The following KALRN variants were observed in gnomAD, a reference collection of about 807,000 sequenced individuals.
KALRN encodes the protein kalirin RhoGEF kinase.
KALRN carries 70 observed loss-of-function variants against 353.7 expected under a neutral mutation model. The ratio of observed to expected loss-of-function variants is 0.20; its 90% CI spans 0.16 to 0.24. KALRN has a LOEUF of 0.24. Among genes scored for constraint, KALRN ranks in the 10% least tolerant of loss-of-function variants. The pLI, the probability that KALRN is intolerant of heterozygous loss-of-function variation, is 1.00. For synonymous variants in KALRN, 1,391 were observed against 1,434.8 expected (o/e 0.97, Z 0.69); for missense variants, 2,791 against 3,756.7 (o/e 0.74, Z 6.72).
At chr3:124,538,260 T>TGTG (rs2068708274) in intron 33 of KALRN, among the ~76,000 whole-genome samples, 1 of 149,966 alleles carries the variant, frequency 6.7e-6, no homozygotes, top group African/African-American at 2.5e-5. Context: ...GTGTGTGTGT[T>TGTG]TGTGTGTGTG....
chr3:124,423,046 CT>C (rs2092851883), intron 15 of KALRN, 68 bp downstream of exon 15: 1 of 1,527,946 alleles, frequency 6.5e-7, no homozygotes, highest in Middle Eastern at 2.1e-4. Flanking sequence ...GGACCTGCTC[CT>C]GGTATGAGGT....
intron 3 of KALRN, among the ~76,000 whole-genome samples, chr3:124,256,087 C>T (rs2071934337): frequency 6.6e-6 from 1 of 152,136 alleles, no homozygotes; most frequent in Non-Finnish European, 1.5e-5. Context: ...GTGGTTCACT[C>T]ATGTGGCCAG....
intron 33 of KALRN, among the ~76,000 whole-genome samples, chr3:124,522,663 TG>T (rs1232357087): frequency 3.9e-5 from 6 of 152,178 alleles, no homozygotes; most frequent in African/African-American, 1.4e-4. Context: ...CAATAAGATT[TG>T]GATGGATACA....
intron 1 of KALRN, among the ~76,000 whole-genome samples, chr3:124,154,812 A>G (rs2068729733): frequency 6.6e-6 from 1 of 152,144 alleles, no homozygotes; most frequent in African/African-American, 2.4e-5. Context: ...AGTCAATCCT[A>G]AGCCAAAAGA....
At chr3:124,217,121 CT>C (rs1479543537) in intron 1 of KALRN, among the ~76,000 whole-genome samples, 2 of 152,140 alleles carry the variant, frequency 1.3e-5, no homozygotes, top group African/African-American at 4.8e-5. Context: ...TATTATATTT[CT>C]TGCATGATAT....
chr3:124,295,628 G>T (rs1440783462), intron 5 of KALRN, among the ~76,000 whole-genome samples: 1 of 152,122 alleles, frequency 6.6e-6, no homozygotes, highest in Non-Finnish European at 1.5e-5. Context: ...TACAGGGAAG[G>T]TCACTAATCG....
intron 1 of KALRN, chr3:124,164,118 G>C (rs113287070): frequency 3.4e-5 from 10 of 292,976 alleles, no homozygotes; most frequent in African/African-American, 1.1e-4. Context: ...CTCTGTTTCA[G>C]ATTAATTTAG....
Position 124,694,513 on chromosome 3 carries a change from T to A in KALRN, c.7577+10T>A. The A allele has an allele frequency of 1.2e-6, 2 of 1,612,044 alleles. No individual in the cohort carries two copies. The highest frequency in any genetic ancestry group is 1.7e-6 in the Non-Finnish European group (2 of 1,179,402). On this transcript the variant is annotated intron_variant, in intron 53 of 59. Coordinates refer to ENST00000682506, the MANE Select transcript of KALRN (RefSeq NM_001388419.1). ...ACACGGTCTCCTCTTGGTAAGCCGA[T>A]TGCCCTAACATCAGCAACAGCAGCC...
At chr3:124,062,405 T>C (rs1374960210) in intron 1 of KALRN, among the ~76,000 whole-genome samples, 1 of 152,238 alleles carries the variant, frequency 6.6e-6, no homozygotes, top group Non-Finnish European at 1.5e-5. Flanking sequence ...TAGCCCTGTC[T>C]CCTTTATCCT....
At chr3:124,439,190 T>TCACACACACACACA (rs1173931984) in intron 18 of KALRN, among the ~76,000 whole-genome samples, 153 bp downstream of exon 18, 1 of 58,064 alleles carries the variant, frequency 1.7e-5, no homozygotes, top group African/African-American at 7.2e-5. Context: ...CTTCTCCTTC[T>TCACACACACACACA]CTCTCTCTCT....
chr3:124,495,965 G>GTGTATATATATATA lies in KALRN; in HGVS notation c.4833-345_4833-344insGTATATATATATAT, dbSNP rs1239001137. On this transcript the variant is annotated intron_variant, in intron 32 of 59. Transcript: ENST00000682506. ...CCCAAGTGTGTGTATGTGTATGTATGTATATATATATATATATATATATAT... is the reference window on the plus strand; with the variant it reads ...CCCAAGTGTGTGTATGTGTATGTATGTGTATATATATATATATATATATATATATATATATATAT... 1.2e-3 allele frequency among the ~76,000 whole-genome samples: 48 copies of GTGTATATATATATA among 41,456 alleles called. 3 individuals are homozygous for GTGTATATATATATA. The highest frequency in any genetic ancestry group is 2.3e-3 in the East Asian group (2 of 856). The allele number at this position is 41,456 out of a possible 152,430, so 27.2% of individuals were successfully genotyped here.
intron 1 of KALRN, among the ~76,000 whole-genome samples, chr3:124,097,628 G>A (rs1240732806): frequency 6.6e-6 from 1 of 152,220 alleles, no homozygotes; most frequent in African/African-American, 2.4e-5. Flanking sequence ...GGAAACATTA[G>A]AACACATCAT....
chr3:124,110,366 GACATATATA>G (rs2062822940), intron 1 of KALRN, among the ~76,000 whole-genome samples: 3 of 65,052 alleles, frequency 4.6e-5, no homozygotes, highest in East Asian at 6.3e-4. Flanking sequence ...ATATATATAT[GACATATATA>G]TCATACTTTG....
chr3:124,433,589 C>A (rs1417432277), intron 16 of KALRN, among the ~76,000 whole-genome samples: 2 of 137,910 alleles, frequency 1.5e-5, no homozygotes, highest in Non-Finnish European at 3.1e-5. Context: ...TAGATCAAGA[C>A]CCTGTCTAAA....
At position 124,696,185 on chromosome 3, in the gene KALRN, T is replaced by C. The variant is rs1052981305; in HGVS notation, c.7629T>C (p.Ser2543=). The part of the protein sequence containing the change: ...LKICNLMPQD[S]GIYTCIATND... ...TCTGTAATCTGATGCCCCAAGACAG[T>C]GGGATTTATACCTGCATAGCAACAA... is the stretch of plus-strand genomic sequence containing the variant. The change falls in exon 54 of 60, where the codon AGT becomes AGC. Residue 2543 remains serine, a synonymous_variant. Coordinates refer to ENST00000682506, the MANE Select transcript of KALRN (RefSeq NM_001388419.1). 3 of 1,613,810 alleles carry C rather than the reference T, an allele frequency of 1.9e-6. No homozygotes were observed. The Admixed American group carries it at 5.0e-5, about 27-fold the overall frequency.
At position 124,719,202 on chromosome 3, in the gene KALRN, G is replaced by C. The variant is rs1001116641; in HGVS notation, c.8693G>C (p.Ser2898Thr). The change falls in exon 60 of 60, where the codon AGC (serine) becomes ACC (threonine). Residue 2898 changes from serine to threonine, a missense_variant. Around this residue, in one of 11 missense-constraint regions of KALRN, gnomAD observed 188 missense variants for 402.9 expected, o/e 0.47. Transcript: ENST00000682506. This position sits in a 1 kb window ranked among gnomAD's most constrained non-coding sequence, Gnocchi z 5.3. ...TCINVCRVDF[S>T]FPHEYFCGVS... ...ATCAACGTATGCAGGGTGGATTTCA[G>C]CTTCCCCCATGAATACTTCTGTGGT... 6 of 1,614,154 alleles carry C rather than the reference G, an allele frequency of 3.7e-6. No individual in the cohort carries two copies. In the African/African-American group the frequency reaches 8.0e-5, roughly 22 times the overall value.
intron 34 of KALRN, among the ~76,000 whole-genome samples, chr3:124,621,385 G>T (rs989109073): frequency 6.6e-6 from 1 of 152,194 alleles, no homozygotes; most frequent in Non-Finnish European, 1.5e-5. Context: ...GTAAGGTAAA[G>T]GATGTTGAGT....
At chr3:124,708,748 G>T (rs75771831) in intron 57 of KALRN, among the ~76,000 whole-genome samples, 24,955 of 151,676 alleles carry the variant, frequency 0.16, 2,382 homozygotes, top group Middle Eastern at 0.22. Flanking sequence ...TCCCAAATTT[G>T]GTAAAAGACA....
chr3:124,503,402 C>T (rs1007967376), intron 33 of KALRN, among the ~76,000 whole-genome samples: 4 of 151,962 alleles, frequency 2.6e-5, no homozygotes, highest in Admixed American at 2.6e-4. Context: ...TGATATTCAC[C>T]CCAAAGTAGG....
Sources: allele counts gnomAD v4.1 joint callset (sites outside exome capture counted in the v4.1 genomes callset), GRCh38; gene constraint gnomAD v4.1.1; regional missense constraint gnomAD v4.1.1; non-coding constraint Gnocchi (gnomAD v3.1); transcripts MANE v1.5; gene names NCBI Gene and HGNC (gene_info 2026-07-23, HGNC 2026-07-21).